The following ENOSF1 variants were observed in gnomAD, a reference collection of about 807,000 sequenced individuals.
ENOSF1 encodes the protein enolase superfamily member 1.
Under a neutral mutation model 68.2 loss-of-function variants are expected in ENOSF1, and 73 were observed. The ratio of observed to expected loss-of-function variants is 1.07; its 90% CI spans 0.89 to 1.30. The LOEUF is 1.30. ENOSF1 is among the 50% of genes most tolerant of loss of function. ENOSF1 has a pLI of 0.00. For synonymous variants in ENOSF1, 223 were observed against 210.4 expected (o/e 1.06, Z -0.52); for missense variants, 589 against 554.5 (o/e 1.06, Z -0.62).
rs137865368 is a variant in ENOSF1, at chr18:674,401, G to A, written c.1236C>T (p.Pro412=). 218 of 1,606,002 alleles carry A rather than the reference G, an allele frequency of 1.4e-4. No homozygotes were observed. In the African/African-American group the frequency reaches 1.7e-3, roughly 12 times the overall value. Residue 412 remains proline (P), a synonymous_variant, in exon 16 of 16, where the codon CCC becomes CCT. Transcript: ENST00000647584. Reference sequence around the variant, plus strand: ...CCTCCTTCATTTCTGTTGAGTAGCCGGGATCCTATCAAAGACCAAAAAAAT... The same window carrying A: ...CCTCCTTCATTTCTGTTGAGTAGCCAGGATCCTATCAAAGACCAAAAAAAT... ...QRASYMPPKD[P]GYSTEMKEES...
At chr18:684,698 T>C (rs1358272115) in intron 10 of ENOSF1, among the ~76,000 whole-genome samples, 2 of 152,142 alleles carry the variant, frequency 1.3e-5, no homozygotes, top group African/African-American at 4.8e-5. Flanking sequence ...TGTGTACCAC[T>C]ATCCTTCTTG....
At chr18:698,219 C>A (rs1295833614) in intron 2 of ENOSF1, among the ~76,000 whole-genome samples, 1 of 152,216 alleles carries the variant, frequency 6.6e-6, no homozygotes, top group Non-Finnish European at 1.5e-5. Flanking sequence ...AAAACAGAAT[C>A]ATAGATTGAC....
chr18:683,420 C>T, intron 10 of ENOSF1, 40 bp from the exon 11 acceptor site: 3 of 1,609,362 alleles, frequency 1.9e-6, no homozygotes, highest in Non-Finnish European at 2.5e-6. Flanking sequence ...CAGCCCTGAG[C>T]CAACCTCACA....
At chr18:679,067 A>G (rs73943351) in intron 11 of ENOSF1, among the ~76,000 whole-genome samples, 154 of 152,306 alleles carry the variant, frequency 1.0e-3, no homozygotes, top group African/African-American at 3.6e-3. Flanking sequence ...GCGCAGTGGC[A>G]TAAGGACAGG....
At chr18:710,395 C>T (rs1035641923) in intron 1 of ENOSF1, among the ~76,000 whole-genome samples, 1 of 151,922 alleles carries the variant, frequency 6.6e-6, no homozygotes, top group African/African-American at 2.4e-5. Flanking sequence ...TAGGCTTGAA[C>T]CACCACGCTC....
chr18:697,081 C>T (rs2077808185), intron 3 of ENOSF1, among the ~76,000 whole-genome samples, 159 bp downstream of exon 3: 1 of 152,152 alleles, frequency 6.6e-6, no homozygotes, highest in South Asian at 2.1e-4. Context: ...TGCATCACTG[C>T]ACTCCAACGT....
Position 672,852 on chromosome 18 carries a change from G to T in ENOSF1, c.*1453C>A. 1.9e-6 allele frequency: 3 copies of T among 1,555,206 alleles called. No homozygotes were observed. Among genetic ancestry groups the T allele is most frequent in the Non-Finnish European group, 2.6e-6 (3 of 1,137,780 alleles). On this transcript the variant is annotated 3_prime_UTR_variant, in exon 16 of 16. Coordinates refer to ENST00000647584, the MANE Select transcript of ENOSF1 (RefSeq NM_017512.7). ...TATGGCAAAATAATGGCCTTATTTT[G>T]TTTTTAGCTTCAGCGAGAACCCAGA... is the stretch of plus-strand genomic sequence containing the variant.
At position 671,564 on chromosome 18, in the gene ENOSF1, TGTG is replaced by T; in HGVS notation, c.*2738_*2740del. The T allele has an allele frequency of 1.3e-6, 1 of 772,738 alleles. No individual in the cohort carries two copies. The highest frequency in any genetic ancestry group is 1.5e-5 in the South Asian group (1 of 67,168). The allele number at this position is 772,738 out of a possible 1,614,324, so 47.9% of individuals were successfully genotyped here. ...CCAAGATAAAGATGACTGCTCCAAATGTGGGGCTTCAGTTTAGGGAGAAGTGGT... is the reference window on the plus strand; with the variant it reads ...CCAAGATAAAGATGACTGCTCCAAATGGGCTTCAGTTTAGGGAGAAGTGGT... On this transcript the variant is annotated 3_prime_UTR_variant, in exon 16 of 16. Coordinates refer to ENST00000647584, the MANE Select transcript of ENOSF1 (RefSeq NM_017512.7).
At chr18:702,891 T>C (rs1290679497) in intron 2 of ENOSF1, among the ~76,000 whole-genome samples, 1 of 152,168 alleles carries the variant, frequency 6.6e-6, no homozygotes, top group Non-Finnish European at 1.5e-5. Flanking sequence ...CAACCCTCCC[T>C]CTCTGTCTCA....
At chr18:670,036 T>C (rs1481859651), downstream of ENOSF1, among the ~76,000 whole-genome samples, 2 of 138,500 alleles carry the variant, frequency 1.4e-5, no homozygotes, top group African/African-American at 5.7e-5. Flanking sequence ...GCATCTGTAA[T>C]AGAGACTTAT....
intron 9 of ENOSF1, chr18:686,318 A>C: frequency 3.1e-6 from 1 of 320,458 alleles, no homozygotes; most frequent in Non-Finnish European, 5.8e-6. Flanking sequence ...AAGAACAAAA[A>C]AGCCACAGTG....
In ENOSF1 at chr18:671,005, C is replaced by G; in HGVS notation, c.*3300G>C. 9.4e-7 allele frequency: 1 copy of G among 1,065,368 alleles called. No homozygotes were observed. 66.0% of individuals were successfully genotyped at this position (1,065,368 alleles called of 1,614,324 possible). A position where few individuals can be genotyped will look rare whatever the true frequency, so the allele number is the denominator to read the frequency against. ...TATGTGTAAGTAAGAAATGAACCAGCTTTTACTTTGAAACCTTCCTCTTCT... is the reference window on the plus strand; with the variant it reads ...TATGTGTAAGTAAGAAATGAACCAGGTTTTACTTTGAAACCTTCCTCTTCT... On this transcript the variant is annotated 3_prime_UTR_variant, in exon 16 of 16. Coordinates refer to ENST00000647584, the MANE Select transcript of ENOSF1 (RefSeq NM_017512.7).
chr18:697,879 G>C (rs1418196367), intron 2 of ENOSF1, among the ~76,000 whole-genome samples: 1 of 152,076 alleles, frequency 6.6e-6, no homozygotes, highest in Admixed American at 6.6e-5. Flanking sequence ...CCGCAACCTT[G>C]ACCTCCCCGG....
In ENOSF1 at chr18:674,339, A is replaced by T. The variant is rs565811407; in HGVS notation, c.1298T>A (p.Val433Asp). 1.2e-6 allele frequency: 2 copies of T among 1,612,426 alleles called. No homozygotes were observed. The highest frequency in any genetic ancestry group is 2.2e-5 in the South Asian group (2 of 90,850). The change falls in exon 16 of 16, where the codon GTT (valine) becomes GAT (aspartate). Residue 433 changes from valine to aspartate, a missense_variant. By Grantham distance (152) the Val-to-Asp change is radical. Transcript: ENST00000647584. Reference sequence around the variant, plus strand: ...TTGAGCAGGAAGGAGTTTCTTCCAAACTTCACCATCTGGATACTGGTGTTT... The same window carrying T: ...TTGAGCAGGAAGGAGTTTCTTCCAATCTTCACCATCTGGATACTGGTGTTT... ...VKKHQYPDGE[V>D]WKKLLPAQEN
At chr18:692,224 C>T (rs1336722996) in intron 5 of ENOSF1, 1 of 152,246 alleles carries the variant, frequency 6.6e-6, no homozygotes, top group Admixed American at 6.5e-5. Flanking sequence ...CCAGTAGTTC[C>T]ATTCCCACTA....
intron 2 of ENOSF1, among the ~76,000 whole-genome samples, chr18:702,965 T>G (rs971446566): frequency 6.6e-6 from 1 of 152,184 alleles, no homozygotes; most frequent in African/African-American, 2.4e-5. Flanking sequence ...ATTAGGTAAG[T>G]AAGCAGAAGA....
intron 11 of ENOSF1, chr18:682,937 C>A: frequency 1.3e-5 from 3 of 238,024 alleles, no homozygotes; most frequent in Non-Finnish European, 2.4e-5. Context: ...AAAAAAAATG[C>A]TGTCACATTT....
intron 7 of ENOSF1, 124 bp from the exon 8 acceptor site, chr18:690,755 C>T (rs2077069043): frequency 4.1e-6 from 5 of 1,222,082 alleles, no homozygotes; most frequent in Admixed American, 2.6e-5. Context: ...CCTGCACACA[C>T]ACACCCAGCC....
At chr18:679,358 C>T (rs749994402) in intron 11 of ENOSF1, among the ~76,000 whole-genome samples, 1 of 150,980 alleles carries the variant, frequency 6.6e-6, no homozygotes, top group African/African-American at 2.4e-5. Flanking sequence ...TAGAGGTGCA[C>T]GCCACCATGC....
Sources: allele counts gnomAD v4.1 joint callset (sites outside exome capture counted in the v4.1 genomes callset), GRCh38; gene constraint gnomAD v4.1.1; transcripts MANE v1.5; gene names NCBI Gene and HGNC (gene_info 2026-07-23, HGNC 2026-07-21).